Variants in KIF27 observed in about 807,000 individuals in gnomAD.
KIF27 encodes kinesin family member 27, also known as kinesin-like protein KIF27.
A neutral mutation model predicts 141.8 loss-of-function variants in KIF27; 84 were observed. The observed-to-expected ratio is 0.59, with a 90% confidence interval of 0.50 to 0.71. KIF27 has a LOEUF of 0.71. Among genes scored for constraint, KIF27 ranks in the 30% least tolerant of loss-of-function variants. KIF27 has a pLI of 0.00. For synonymous variants in KIF27, 471 were observed against 569.5 expected (o/e 0.83, Z 2.46); for missense variants, 1,306 against 1,628.4 (o/e 0.80, Z 3.41).
In KIF27 at chr9:83,867,784, A is replaced by G. The variant is rs1410215160; in HGVS notation, c.2834T>C (p.Leu945Pro). ...CTCCCGTTTCTTTAAGTCTGCTTCC[A>G]GCTCCTCTAATTCTTGGCGTTGGTT... Reference protein sequence around the residue: ...VLNQRQELEELEADLKKREAI... With the variant: ...VLNQRQELEEPEADLKKREAI... The change falls in exon 13 of 18, where the codon CTG becomes CCG. Residue 945 changes from leucine to proline, a missense_variant. Physicochemically the swap from Leu to Pro is moderately conservative, Grantham distance 98. Around this residue, in one of 4 missense-constraint regions of KIF27, gnomAD observed 596 missense variants for 751.6 expected, o/e 0.79. Transcript: ENST00000297814. 9.9e-6 allele frequency: 16 copies of G among 1,613,604 alleles called. No homozygotes were observed. The East Asian group carries it at 3.6e-4, about 36-fold the overall frequency.
chr9:83,853,505 A>G, intron 15 of KIF27, 124 bp downstream of exon 15: 1 of 664,104 alleles, frequency 1.5e-6, no homozygotes, highest in Admixed American at 2.9e-5. Context: ...ATCATGCTTA[A>G]ATTTGTAGTT....
At position 83,836,770 on chromosome 9, in the gene KIF27, A is replaced by C. The variant is rs980416240; in HGVS notation, c.*231T>G. The C allele has an allele frequency of 1.9e-6, 1 of 539,552 alleles. No individual in the cohort carries two copies. Among genetic ancestry groups the C allele is most frequent in the South Asian group, 3.6e-5 (1 of 27,602 alleles). 33.4% of individuals were successfully genotyped at this position (539,552 alleles called of 1,614,324 possible). ...TTTAAGCGTATTTATAAATATTTAA[A>C]TGTTATCAAGTATTGGAAAACATGT... On this transcript the variant is annotated 3_prime_UTR_variant, in exon 18 of 18. Coordinates refer to ENST00000297814, the MANE Select transcript of KIF27 (RefSeq NM_017576.4).
chr9:83,876,915 AG>A (rs1774946303), intron 11 of KIF27, among the ~76,000 whole-genome samples: 1 of 152,164 alleles, frequency 6.6e-6, no homozygotes, highest in African/African-American at 2.4e-5. Context: ...GTCTATAAAA[AG>A]TAGGGAAAAA....
intron 11 of KIF27, among the ~76,000 whole-genome samples, chr9:83,874,031 A>G (rs1951011556): frequency 2.8e-5 from 4 of 145,212 alleles, no homozygotes; most frequent in African/African-American, 1.1e-4. Context: ...CAGCCTGGGC[A>G]ACAAAGAGAG....
chr9:83,896,770 G>A (rs558758674), intron 5 of KIF27, among the ~76,000 whole-genome samples: 7 of 152,108 alleles, frequency 4.6e-5, no homozygotes, highest in African/African-American at 1.4e-4. Flanking sequence ...ATTTGATCAC[G>A]AAAAATAAAT....
intron 1 of KIF27, among the ~76,000 whole-genome samples, chr9:83,920,971 G>T (rs1956214492): frequency 1.3e-5 from 2 of 152,076 alleles, no homozygotes; most frequent in Admixed American, 1.3e-4. Flanking sequence ...CGGTGGTGGT[G>T]GCCCTCGCGT....
At position 83,848,148 on chromosome 9, in the gene KIF27, GAT is replaced by G. The variant is rs1947719784; in HGVS notation, c.3556+1949_3556+1950del. ...CTGATATCTCATATATGATATATCT[GAT>G]ATATCATATATGATATATCTGATAT... On this transcript the variant is annotated intron_variant, in intron 16 of 17. Transcript: ENST00000297814. Among the ~76,000 whole-genome samples, 2 of 64,026 alleles carry G rather than the reference GAT, an allele frequency of 3.1e-5. 1 individual carries two copies. The highest frequency in any genetic ancestry group is 2.0e-4 in the African/African-American group (2 of 10,104). The allele number at this position is 64,026 out of a possible 152,430, so 42.0% of individuals were successfully genotyped here. A position where few individuals can be genotyped will look rare whatever the true frequency, so the allele number is the denominator to read the frequency against.
chr9:83,917,917 A>G (rs1955855568), intron 1 of KIF27, among the ~76,000 whole-genome samples: 1 of 152,242 alleles, frequency 6.6e-6, no homozygotes, highest in South Asian at 2.1e-4. Flanking sequence ...CAAAAGCAAT[A>G]AAATAAAAAA....
chr9:83,914,396 T>C (rs1337275336), intron 2 of KIF27, among the ~76,000 whole-genome samples: 1 of 152,106 alleles, frequency 6.6e-6, no homozygotes, highest in Non-Finnish European at 1.5e-5. Context: ...TTTTAATCTT[T>C]GCAATAAAGA....
At chr9:83,888,394 T>C in intron 8 of KIF27, 95 bp downstream of exon 8, 1 of 511,902 alleles carries the variant, frequency 2.0e-6, no homozygotes, top group East Asian at 3.4e-5. Context: ...TTCTGGTCTT[T>C]GAGAATTCCT....
intron 14 of KIF27, among the ~76,000 whole-genome samples, chr9:83,856,760 A>T (rs7863712): frequency 6.7e-6 from 1 of 149,998 alleles, no homozygotes; most frequent in African/African-American, 2.4e-5. Context: ...AAAAAAAAAA[A>T]TTAGCTGGGC....
In KIF27 at chr9:83,835,964, T is replaced by C. The variant is rs1371166483; in HGVS notation, c.*1037A>G. Among the ~76,000 whole-genome samples, 1 of 152,172 alleles carries C rather than the reference T, an allele frequency of 6.6e-6. No homozygotes were observed. Among genetic ancestry groups the C allele is most frequent in the African/African-American group, 2.4e-5 (1 of 41,446 alleles). On this transcript the variant is annotated 3_prime_UTR_variant, in exon 18 of 18. Transcript: ENST00000297814. Reference sequence around the variant, plus strand: ...TAAAAAGTACAAACTACATTTGGTGTGCAAACTGTTTAGTTCTTAATTCCA... The same window carrying C: ...TAAAAAGTACAAACTACATTTGGTGCGCAAACTGTTTAGTTCTTAATTCCA...
intron 1 of KIF27, among the ~76,000 whole-genome samples, chr9:83,919,816 G>C (rs1180676321): frequency 6.6e-6 from 1 of 151,978 alleles, no homozygotes; most frequent in Non-Finnish European, 1.5e-5. Context: ...GATCCCTCCT[G>C]AAAACAAAAC....
chr9:83,899,560 C>T (rs1953637676), intron 5 of KIF27, 101 bp downstream of exon 5: 1 of 866,772 alleles, frequency 1.2e-6, no homozygotes, highest in Admixed American at 2.3e-5. Context: ...TTCAAATGAA[C>T]ATCCTTTTTT....
At chr9:83,868,705 C>G (rs1458859903) in intron 12 of KIF27, among the ~76,000 whole-genome samples, 2 of 152,006 alleles carry the variant, frequency 1.3e-5, no homozygotes, top group East Asian at 3.9e-4. Context: ...TTTCCTAGTC[C>G]TTCATGAACC....
intron 5 of KIF27, among the ~76,000 whole-genome samples, chr9:83,894,720 G>C (rs1445051828): frequency 3.3e-5 from 5 of 152,146 alleles, no homozygotes; most frequent in Admixed American, 3.3e-4. Flanking sequence ...ACAAGTCTTG[G>C]AAGCTTGTGC....
chr9:83,878,536 G>T (rs1951417308), intron 11 of KIF27, among the ~76,000 whole-genome samples: 1 of 152,090 alleles, frequency 6.6e-6, no homozygotes, highest in South Asian at 2.1e-4. Context: ...ATAAAGAACT[G>T]TGGCATATCC....
rs777437927 is a variant in KIF27 at position 83,903,755 on chromosome 9, C to T, written c.763G>A (p.Gly255Arg). The change falls in exon 4 of 18, where the codon GGG becomes AGG. Residue 255 changes from glycine (G) to arginine (R), a missense_variant. Transcript: ENST00000297814. ...LAGSERVTKT[G>R]NTGERFKESI... ...TCTTTGAACCGTTCACCAGTATTCC[C>T]CGTTTTGGTTACTCTTTCTGATCCT... The T allele has an allele frequency of 5.0e-6, 8 of 1,614,174 alleles. No homozygotes were observed. The Admixed American group carries it at 1.2e-4, about 24-fold the overall frequency.
intron 1 of KIF27, among the ~76,000 whole-genome samples, chr9:83,917,590 C>A (rs1262260540): frequency 6.6e-6 from 1 of 152,164 alleles, no homozygotes; most frequent in African/African-American, 2.4e-5. Flanking sequence ...TAGTGTGGTA[C>A]TGGCATAAAG....
Sources: gnomAD v4.1 joint callset for allele counts (sites outside exome capture counted in the v4.1 genomes callset) on GRCh38, gnomAD v4.1.1 for gene constraint, gnomAD v4.1.1 regional missense constraint, MANE v1.5 for transcripts, NCBI Gene and HGNC (gene_info 2026-07-23, HGNC 2026-07-21) for gene names.